Variants in SEZ6L observed in about 807,000 individuals in gnomAD.
SEZ6L encodes seizure 6-like protein.
SEZ6L carries 37 observed loss-of-function variants against 106.2 expected under a neutral mutation model. The ratio of observed to expected loss-of-function variants is 0.35; its 90% CI spans 0.27 to 0.46. The LOEUF is 0.46. Ranked by LOEUF, SEZ6L falls within the 20% of genes least tolerant of loss-of-function variation. SEZ6L has a pLI of 1.00. For synonymous variants in SEZ6L, 541 were observed against 570.4 expected, an observed-to-expected ratio of 0.95 and a Z score of 0.73; for missense variants, 1,172 against 1,332.8, an observed-to-expected ratio of 0.88 and a Z score of 1.88.
At position 26,375,578 on chromosome 22, in the gene SEZ6L, C is replaced by G; in HGVS notation, c.2831C>G (p.Ala944Gly). 6.2e-7 allele frequency: 1 copy of G among 1,613,744 alleles called. No homozygotes were observed. The highest frequency in any genetic ancestry group is 2.2e-5 in the East Asian group (1 of 44,868). The change falls in exon 15 of 17, where the codon GCA (alanine) becomes GGA (glycine). Residue 944 changes from alanine (A) to glycine (G), a missense_variant. Coordinates refer to ENST00000248933, the MANE Select transcript of SEZ6L (RefSeq NM_021115.5). ...CCTCACTGGCTCCTGTGTTCAGTAGCAGAAGCGGCAGCAGAGACGTCGCTG... is the reference window on the plus strand; with the variant it reads ...CCTCACTGGCTCCTGTGTTCAGTAGGAGAAGCGGCAGCAGAGACGTCGCTG... ...QDSFEHALEVAEAAAETSLEG... is the reference protein window; with the variant it reads ...QDSFEHALEVGEAAAETSLEG...
At chr22:26,171,207 G>A (rs1268513325) in intron 1 of SEZ6L, among the ~76,000 whole-genome samples, 2 of 152,046 alleles carry the variant, frequency 1.3e-5, no homozygotes, top group Non-Finnish European at 2.9e-5. Context: ...TTTTTTATGG[G>A]GCAATAATGT....
chr22:26,169,530 G>T lies in SEZ6L; in HGVS notation c.-140G>T. 2.6e-6 allele frequency: 1 copy of T among 385,382 alleles called. No individual in the cohort carries two copies. The highest frequency in any genetic ancestry group is 8.7e-5 in the South Asian group (1 of 11,516). 23.9% of individuals were successfully genotyped at this position (385,382 alleles called of 1,614,324 possible). On this transcript the variant is annotated 5_prime_UTR_variant, in exon 1 of 17. Transcript: ENST00000248933. ...GGGGCTGAGCGCGCGTCCGCCCAGG[G>T]GGCTCCGGAAGCTGCCCCGGCCCGC...
intron 9 of SEZ6L, among the ~76,000 whole-genome samples, chr22:26,333,952 A>G (rs1781948184): frequency 6.6e-6 from 1 of 151,618 alleles, no homozygotes; most frequent in African/African-American, 2.4e-5. Context: ...CTGATGAGCA[A>G]TGCAGTCTGG....
chr22:26,238,497 C>T (rs17373858), intron 1 of SEZ6L, among the ~76,000 whole-genome samples: 22,930 of 152,194 alleles, frequency 0.15, 1,948 homozygotes, highest in Middle Eastern at 0.21. Flanking sequence ...AGTTCCGATC[C>T]CTTGCGGATG....
intron 1 of SEZ6L, among the ~76,000 whole-genome samples, chr22:26,250,538 G>A (rs748285073): frequency 3.3e-5 from 5 of 151,932 alleles, no homozygotes; most frequent in East Asian, 3.9e-4. Flanking sequence ...TTTTTATGCT[G>A]GCACCATGCT....
chr22:26,216,571 A>C (rs530979759), intron 1 of SEZ6L, among the ~76,000 whole-genome samples: 24 of 152,220 alleles, frequency 1.6e-4, no homozygotes, highest in Non-Finnish European at 2.4e-4. Flanking sequence ...CAGGAGAATC[A>C]TTTGAACCCG....
At position 26,313,903 on chromosome 22, in the gene SEZ6L, G is replaced by A. The variant is rs2081922207; in HGVS notation, c.2015+1G>A. ...AACGGATCTTCTTAGATATCCAGTTGTGAGTGTTTAAAATGGGTGGCCCTC... is the reference window on the plus strand; with the variant it reads ...AACGGATCTTCTTAGATATCCAGTTATGAGTGTTTAAAATGGGTGGCCCTC... On this transcript the variant is annotated splice_donor_variant, in intron 9 of 16. Coordinates refer to ENST00000248933, the MANE Select transcript of SEZ6L (RefSeq NM_021115.5). LOFTEE classifies it high-confidence loss of function. The A allele has an allele frequency of 6.3e-7, 1 of 1,591,362 alleles. No individual in the cohort carries two copies. Among genetic ancestry groups the A allele is most frequent in the Non-Finnish European group, 8.6e-7 (1 of 1,160,806 alleles).
chr22:26,342,807 CTAA>C (rs1424674138), intron 10 of SEZ6L, among the ~76,000 whole-genome samples: 2 of 152,214 alleles, frequency 1.3e-5, no homozygotes, highest in East Asian at 3.8e-4. Context: ...CTGCGCCAAC[CTAA>C]TAATATGAAT....
intron 1 of SEZ6L, among the ~76,000 whole-genome samples, chr22:26,198,633 G>A (rs745632211): frequency 6.6e-6 from 1 of 152,174 alleles, no homozygotes; most frequent in Non-Finnish European, 1.5e-5. Context: ...TCTGCTTCCG[G>A]GATGGTGCCT....
chr22:26,361,399 C>T (rs1035312485), intron 12 of SEZ6L, among the ~76,000 whole-genome samples: 4 of 149,320 alleles, frequency 2.7e-5, no homozygotes, highest in Admixed American at 6.7e-5. Flanking sequence ...CCCAGCTACT[C>T]GGGAGGCTGA....
rs73158604 is a variant in SEZ6L at position 26,288,889 on chromosome 22, C to A, written c.95-3517C>A. 2.0e-5 allele frequency among the ~76,000 whole-genome samples: 3 copies of A among 152,036 alleles called. No homozygotes were observed. In the East Asian group the frequency reaches 5.8e-4, roughly 29 times the overall value. On this transcript the variant is annotated intron_variant, in intron 1 of 16. Coordinates refer to ENST00000248933, the MANE Select transcript of SEZ6L (RefSeq NM_021115.5). Reference sequence around the variant, plus strand: ...ACTTATAATTAAGGGGTAATGTTTGCAAAGGAGCTGGCTGGCCAGATAACC... The same window carrying A: ...ACTTATAATTAAGGGGTAATGTTTGAAAAGGAGCTGGCTGGCCAGATAACC...
In SEZ6L at chr22:26,351,109, C is replaced by T. The variant is rs978457282; in HGVS notation, c.2465C>T (p.Pro822Leu). Residue 822 changes from proline to leucine, a missense_variant, in exon 12 of 17, where the codon CCT (proline) becomes CTT (leucine). This residue lies in a region of SEZ6L where 534 missense variants were observed against 691.0 expected (regional missense o/e 0.77). Coordinates refer to ENST00000248933, the MANE Select transcript of SEZ6L (RefSeq NM_021115.5). Reference sequence around the variant, plus strand: ...CACTCGACCCGCTTAATTTCGGATCCTGTGCTGCTGGTGGGGACCACCATC... The same window carrying T: ...CACTCGACCCGCTTAATTTCGGATCTTGTGCTGCTGGTGGGGACCACCATC... ...VDHSTRLISDPVLLVGTTIQY... is the reference protein window; with the variant it reads ...VDHSTRLISDLVLLVGTTIQY... 6.2e-7 allele frequency: 1 copy of T among 1,614,232 alleles called. No homozygotes were observed. The highest frequency in any genetic ancestry group is 8.5e-7 in the Non-Finnish European group (1 of 1,180,040).
At chr22:26,367,312 G>A (rs2083851161) in intron 13 of SEZ6L, among the ~76,000 whole-genome samples, 2 of 151,910 alleles carry the variant, frequency 1.3e-5, no homozygotes, top group Non-Finnish European at 2.9e-5. Context: ...CTGTGATCCA[G>A]CCTGGTTTTT....
At chr22:26,333,490 G>T (rs1175037435) in intron 9 of SEZ6L, among the ~76,000 whole-genome samples, 1 of 152,338 alleles carries the variant, frequency 6.6e-6, no homozygotes, top group Admixed American at 6.5e-5. Context: ...CAAGGTTGGA[G>T]CAGGGAAGAG....
At chr22:26,183,729 T>A (rs927269104) in intron 1 of SEZ6L, among the ~76,000 whole-genome samples, 1 of 152,112 alleles carries the variant, frequency 6.6e-6, no homozygotes, top group African/African-American at 2.4e-5. Flanking sequence ...GGAAAATATA[T>A]CCTGAGCAGA....
chr22:26,241,030 G>A (rs2079111090), intron 1 of SEZ6L, among the ~76,000 whole-genome samples: 1 of 152,190 alleles, frequency 6.6e-6, no homozygotes, highest in Admixed American at 6.5e-5. Flanking sequence ...AGAGAGACAT[G>A]CAGACACTCT....
intron 10 of SEZ6L, among the ~76,000 whole-genome samples, chr22:26,342,862 C>G (rs1280497528): frequency 1.3e-5 from 2 of 152,122 alleles, no homozygotes; most frequent in African/African-American, 2.4e-5. Flanking sequence ...AACAAGCTAC[C>G]CCCTTGACCA....
intron 1 of SEZ6L, among the ~76,000 whole-genome samples, chr22:26,277,432 C>T (rs898444246): frequency 1.3e-5 from 2 of 152,168 alleles, no homozygotes; most frequent in African/African-American, 4.8e-5. Flanking sequence ...TCCATCTGTA[C>T]GACCGTGGCA....
chr22:26,259,820 AT>A (rs1192045207), intron 1 of SEZ6L, among the ~76,000 whole-genome samples: 5 of 152,142 alleles, frequency 3.3e-5, no homozygotes, highest in Admixed American at 1.3e-4. Flanking sequence ...ACAGCTCATA[AT>A]TTCTCCTAAT....
Sources: gnomAD v4.1 joint callset for allele counts (sites outside exome capture counted in the v4.1 genomes callset) on GRCh38, gnomAD v4.1.1 for gene constraint, gnomAD v4.1.1 regional missense constraint, MANE v1.5 for transcripts, NCBI Gene and HGNC (gene_info 2026-07-23, HGNC 2026-07-21) for gene names.